Variants in ZNF620 observed in about 807,000 individuals in gnomAD.
The protein encoded by ZNF620 is zinc finger protein 620.
In ZNF620, 10 loss-of-function variants were observed where a neutral mutation model predicts 13.3. That is an observed-to-expected ratio of 0.75 (90% CI 0.46 to 1.28). The LOEUF is 1.28. ZNF620 is among the 50% of genes most tolerant of loss of function. The pLI, the probability that ZNF620 is intolerant of heterozygous loss-of-function variation, is 0.00. For synonymous variants in ZNF620, 166 were observed against 177.6 expected (o/e 0.93, Z 0.52); for missense variants, 461 against 500.2 (o/e 0.92, Z 0.75).
rs201460202 is a variant in ZNF620, at chr3:40,512,486, G to C, written c.236G>C (p.Gly79Ala). 4.3e-5 allele frequency: 69 copies of C among 1,613,890 alleles called. No individual in the cohort carries two copies. In the Admixed American group the frequency reaches 9.2e-4, roughly 21 times the overall value. ...GGCCTCGATCCCTGGGAACCTATGGGCAGGGAGGCTCTCAGAGGTATCTGT... is the reference window on the plus strand; with the variant it reads ...GGCCTCGATCCCTGGGAACCTATGGCCAGGGAGGCTCTCAGAGGTATCTGT... ...PWGLDPWEPM[G>A]REALRGICPG... Residue 79 changes from glycine (G) to alanine (A), a missense_variant, in exon 4 of 5, where the codon GGC becomes GCC. Gly to Ala is a moderately conservative substitution (Grantham distance 60). Transcript: ENST00000314529.
At chr3:40,508,630 C>CTTTTTTTTTTTTTTTTT (rs770458358) in intron 2 of ZNF620, 1 of 297,696 alleles carries the variant, frequency 3.4e-6, no homozygotes. Context: ...GCCACTGCAG[C>CTTTTTTTTTTTTTTTTT]TTTTTTTTTT....
At chr3:40,508,808 C>T (rs1283048164) in intron 2 of ZNF620, 1 of 456,216 alleles carries the variant, frequency 2.2e-6, no homozygotes, top group Non-Finnish European at 4.4e-6. Flanking sequence ...TCTTCTTTTT[C>T]CTAGAGACAA....
chr3:40,512,785 A>G (rs1256430300), intron 4 of ZNF620, among the ~76,000 whole-genome samples: 1 of 152,142 alleles, frequency 6.6e-6, no homozygotes, highest in Non-Finnish European at 1.5e-5. Context: ...CTGATTGGGC[A>G]GCACTTAAAC....
chr3:40,510,089 C>T (rs950554299), intron 2 of ZNF620, among the ~76,000 whole-genome samples: 4 of 151,632 alleles, frequency 2.6e-5, no homozygotes, highest in Non-Finnish European at 4.4e-5. Context: ...AGCACGATCA[C>T]GGCTCACTGT....
At chr3:40,514,656 C>T (rs1698316728) in intron 4 of ZNF620, among the ~76,000 whole-genome samples, 1 of 152,088 alleles carries the variant, frequency 6.6e-6, no homozygotes, top group African/African-American at 2.4e-5. Context: ...CCTGTAGTAC[C>T]AGCTCCTGGG....
At chr3:40,510,232 C>T (rs921273345) in intron 2 of ZNF620, among the ~76,000 whole-genome samples, 4 of 152,046 alleles carry the variant, frequency 2.6e-5, no homozygotes, top group African/African-American at 4.8e-5. Flanking sequence ...AGGCTGGTCT[C>T]GAACTTCTGA....
chr3:40,516,381 T>C lies in ZNF620; in HGVS notation c.787T>C (p.Ser263Pro). The change falls in exon 5 of 5, where the codon TCA becomes CCA. Residue 263 changes from serine (S) to proline (P), a missense_variant. Ser to Pro is a moderately conservative substitution (Grantham distance 74). Transcript: ENST00000314529. Reference protein sequence around the residue: ...KCKECGKGLSSDTALIQHQRI... With the variant: ...KCKECGKGLSPDTALIQHQRI... ...TAAAGAATGTGGAAAAGGTTTAAGT[T>C]CAGACACAGCCTTGATTCAGCATCA... 1.2e-6 allele frequency: 2 copies of C among 1,614,230 alleles called. No individual in the cohort carries two copies. Among genetic ancestry groups the C allele is most frequent in the Non-Finnish European group, 1.7e-6 (2 of 1,180,044 alleles).
In ZNF620 at chr3:40,512,532, A is replaced by C; in HGVS notation, c.265+17A>C. 1 of 1,554,074 alleles carries C rather than the reference A, an allele frequency of 6.4e-7. No homozygotes were observed. The highest frequency in any genetic ancestry group is 2.3e-5 in the East Asian group (1 of 43,910). ...TCTGTCCAGGTGAGCATGAGAACCC[A>C]CTAGCTGCCTTTTTGGCTTGGCTTG... On this transcript the variant is annotated intron_variant, in intron 4 of 4. Coordinates refer to ENST00000314529, the MANE Select transcript of ZNF620 (RefSeq NM_175888.4).
Position 40,515,941 on chromosome 3 carries a change from T to C in ZNF620, c.347T>C (p.Val116Ala), listed in dbSNP as rs1345022510. The C allele has an allele frequency of 6.2e-7, 1 of 1,613,994 alleles. No homozygotes were observed. Among genetic ancestry groups the C allele is most frequent in the South Asian group, 1.1e-5 (1 of 91,078 alleles). The change falls in exon 5 of 5, where the codon GTG (valine) becomes GCG (alanine). Residue 116 changes from valine to alanine, a missense_variant. Val to Ala is a moderately conservative substitution (Grantham distance 64). Transcript: ENST00000314529. ...SKETESFRLM[V>A]GGLPGNVSQH... ...GAAACAGAGTCCTTCAGACTGATGG[T>C]GGGGGGCCTGCCAGGGAATGTTTCC...
At chr3:40,514,020 C>G (rs541040976) in intron 4 of ZNF620, among the ~76,000 whole-genome samples, 1 of 152,018 alleles carries the variant, frequency 6.6e-6, no homozygotes, top group Admixed American at 6.5e-5. Context: ...GGAAGGCACC[C>G]GTTACTTAGC....
chr3:40,513,103 T>A (rs1437513473), intron 4 of ZNF620, among the ~76,000 whole-genome samples: 2 of 151,882 alleles, frequency 1.3e-5, no homozygotes, highest in African/African-American at 4.8e-5. Context: ...CTTAAAAAAA[T>A]TTCTGAAGCA....
rs1468427563 is a variant in ZNF620 at position 40,506,143 on chromosome 3, C to G, written c.-50+5C>G. 1.5e-6 allele frequency: 1 copy of G among 649,588 alleles called. No individual in the cohort carries two copies. Among genetic ancestry groups the G allele is most frequent in the Non-Finnish European group, 2.8e-6 (1 of 362,712 alleles). 40.2% of individuals were successfully genotyped at this position (649,588 alleles called of 1,614,324 possible). On this transcript the variant is annotated splice_donor_5th_base_variant and intron_variant, in intron 1 of 4. Transcript: ENST00000314529. ...CTGAAGAGGTTCGCGGTCCGGGTAA[C>G]TGATTGGTTTTCCTGGGGCTTGTTC... is the stretch of plus-strand genomic sequence containing the variant.
intron 2 of ZNF620, among the ~76,000 whole-genome samples, chr3:40,509,596 T>C (rs1698135329): frequency 6.6e-6 from 1 of 152,200 alleles, no homozygotes; most frequent in African/African-American, 2.4e-5. Context: ...CTTTTCAGTC[T>C]TTCCAAATGA....
At position 40,516,025 on chromosome 3, in the gene ZNF620, C is replaced by G. The variant is rs759335585; in HGVS notation, c.431C>G (p.Thr144Arg). 4 of 1,614,112 alleles carry G rather than the reference C, an allele frequency of 2.5e-6. No individual in the cohort carries two copies. Among genetic ancestry groups the G allele is most frequent in the Non-Finnish European group, 2.5e-6 (3 of 1,180,030 alleles). Reference protein sequence around the residue: ...EQPQGHWIIKTKSKRRHFTDT... With the variant: ...EQPQGHWIIKRKSKRRHFTDT... The stretch of plus-strand genomic sequence containing the variant: ...CCACAAGGTCATTGGATAATTAAGA[C>G]AAAGTCAAAGAGGAGACATTTCACA... Residue 144 changes from threonine to arginine, a missense_variant, in exon 5 of 5, where the codon ACA becomes AGA. Transcript: ENST00000314529.
intron 2 of ZNF620, among the ~76,000 whole-genome samples, chr3:40,510,204 G>A (rs1428360815): frequency 6.6e-6 from 1 of 151,846 alleles, no homozygotes; most frequent in Non-Finnish European, 1.5e-5. Context: ...GTAGAGACGG[G>A]GTTTCACCAT....
At chr3:40,514,338 T>C (rs938312915) in intron 4 of ZNF620, among the ~76,000 whole-genome samples, 10 of 152,154 alleles carry the variant, frequency 6.6e-5, no homozygotes, top group South Asian at 4.1e-4. Flanking sequence ...TTACCTATCA[T>C]TGGAGATGAC....
In ZNF620 at chr3:40,517,385, A is replaced by C. The variant is rs1210887312; in HGVS notation, c.*522A>C. The C allele has an allele frequency of 6.6e-6, 1 of 151,412 alleles. No homozygotes were observed. The highest frequency in any genetic ancestry group is 6.6e-5 in the Admixed American group (1 of 15,234). 9.4% of individuals were successfully genotyped at this position (151,412 alleles called of 1,614,324 possible). ...GTGAAACCCCGTCTCTCCTGAAAAA[A>C]AAAAACACAAAAATTAGCCAGGCAT... On this transcript the variant is annotated 3_prime_UTR_variant, in exon 5 of 5. Coordinates refer to ENST00000314529, the MANE Select transcript of ZNF620 (RefSeq NM_175888.4).
rs192399490 is a variant in ZNF620 at position 40,515,127 on chromosome 3, A to G, written c.266-733A>G. Among the ~76,000 whole-genome samples, 139 of 152,370 alleles carry G rather than the reference A, an allele frequency of 9.1e-4. 1 individual carries two copies. The highest frequency in any genetic ancestry group is 3.2e-3 in the African/African-American group (134 of 41,586). On this transcript the variant is annotated intron_variant, in intron 4 of 4. Transcript: ENST00000314529. Reference sequence around the variant, plus strand: ...GTTGTATTAAACAAATGCACAACCTATGAGACCTTTTAGGAAAAATGGCAA... The same window carrying G: ...GTTGTATTAAACAAATGCACAACCTGTGAGACCTTTTAGGAAAAATGGCAA...
intron 4 of ZNF620, among the ~76,000 whole-genome samples, chr3:40,513,571 G>A (rs528488919): frequency 1.3e-5 from 2 of 151,248 alleles, no homozygotes; most frequent in African/African-American, 4.8e-5. Context: ...CCTGGGGAGT[G>A]GAGGTCGTAG....
Sources: allele counts gnomAD v4.1 joint callset (sites outside exome capture counted in the v4.1 genomes callset), GRCh38; gene constraint gnomAD v4.1.1; transcripts MANE v1.5; gene names NCBI Gene and HGNC (gene_info 2026-07-23, HGNC 2026-07-21).